Variants in C4orf51 observed in about 807,000 individuals in gnomAD.
C4orf51 encodes the protein chromosome 4 open reading frame 51.
Under a neutral mutation model 25.2 loss-of-function variants are expected in C4orf51, and 25 were observed. The ratio of observed to expected loss-of-function variants is 0.99; its 90% CI spans 0.72 to 1.39. The LOEUF (loss-of-function observed/expected upper bound fraction) is 1.39, where lower values mean the gene tolerates loss of function less well. Ranked by LOEUF, C4orf51 falls within the 40% of genes most tolerant of loss-of-function variation. The pLI, the probability that C4orf51 is intolerant of heterozygous loss-of-function variation, is 0.00. For synonymous variants in C4orf51, 100 were observed against 84.5 expected, an observed-to-expected ratio of 1.18 and a Z score of -1.01; for missense variants, 252 against 239.6, an observed-to-expected ratio of 1.05 and a Z score of -0.34.
chr4:145,770,196 G>A (rs1045250464), intron 1 of C4orf51, among the ~76,000 whole-genome samples: 2 of 152,076 alleles, frequency 1.3e-5, no homozygotes, highest in Admixed American at 6.6e-5. Flanking sequence ...CTACTCAGGG[G>A]GCTGAGACAC....
chr4:145,716,362 C>T (rs1009425544), intron 2 of C4orf51, among the ~76,000 whole-genome samples: 2 of 152,118 alleles, frequency 1.3e-5, no homozygotes, highest in African/African-American at 4.8e-5. Flanking sequence ...TTCTCCACTT[C>T]AGCCTGGAAG....
At chr4:145,760,739 T>A in intron 1 of C4orf51, 2 of 877,668 alleles carry the variant, frequency 2.3e-6, no homozygotes, top group Non-Finnish European at 2.7e-6. Flanking sequence ...TTTTTTTTTG[T>A]CTTTTGTCTC....
chr4:145,764,925 T>C (rs1436226020), intron 1 of C4orf51: 1 of 1,604,394 alleles, frequency 6.2e-7, no homozygotes, highest in Non-Finnish European at 8.5e-7. Context: ...AGGGACGGGG[T>C]AGGGAAGGGG....
chr4:145,764,920 C>G, intron 1 of C4orf51: 1 of 1,603,828 alleles, frequency 6.2e-7, no homozygotes, highest in Non-Finnish European at 8.5e-7. Context: ...CGGGAAGGGA[C>G]GGGGTAGGGA....
intron 2 of C4orf51, among the ~76,000 whole-genome samples, chr4:145,722,683 A>G (rs1020593929): frequency 1.3e-5 from 2 of 152,196 alleles, no homozygotes; most frequent in Admixed American, 6.5e-5. Context: ...TAAAAATTGT[A>G]CCAGTCCATG....
downstream of C4orf51, among the ~76,000 whole-genome samples, chr4:145,735,420 T>C (rs970894477): frequency 2.0e-5 from 3 of 152,214 alleles, no homozygotes; most frequent in Non-Finnish European, 4.4e-5. Context: ...TACATTTTTT[T>C]CTGTTACTAA....
intron 1 of C4orf51, among the ~76,000 whole-genome samples, chr4:145,768,598 T>A (rs1735678519): frequency 6.6e-6 from 1 of 151,718 alleles, no homozygotes; most frequent in African/African-American, 2.4e-5. Context: ...TCGTTTTAGG[T>A]TAGGGGAGAA....
At chr4:145,755,923 T>C (rs1733913658), downstream of C4orf51, among the ~76,000 whole-genome samples, 1 of 152,222 alleles carries the variant, frequency 6.6e-6, no homozygotes, top group South Asian at 2.1e-4. Flanking sequence ...AAGCTGCTGC[T>C]GGGAAGGGTT....
At chr4:145,716,396 A>C (rs748228734) in intron 2 of C4orf51, among the ~76,000 whole-genome samples, 1 of 152,168 alleles carries the variant, frequency 6.6e-6, no homozygotes, top group African/African-American at 2.4e-5. Flanking sequence ...TTATGCTCAC[A>C]TTCCAATGTG....
At position 145,680,215 on chromosome 4, in the gene C4orf51, C is replaced by A; in HGVS notation, c.12C>A (p.Tyr4Ter). 6.2e-7 allele frequency: 1 copy of A among 1,612,806 alleles called. No homozygotes were observed. The highest frequency in any genetic ancestry group is 8.5e-7 in the Non-Finnish European group (1 of 1,178,804). The change falls in exon 1 of 6, where the codon TAC becomes TAA. Residue 4 changes from tyrosine (Y) to a stop codon, truncating the protein, a stop_gained. Coordinates refer to ENST00000438731, the MANE Select transcript of C4orf51 (RefSeq NM_001080531.3). LOFTEE classifies it high-confidence loss of function. The part of the protein sequence containing the change: MSH[Y>*]FYLTPQILLP... Reference sequence around the variant, plus strand: ...GGCCGTTCGTAGTTATGTCACACTACTTCTACTTGACTCCACAAATTCTTC... The same window carrying A: ...GGCCGTTCGTAGTTATGTCACACTAATTCTACTTGACTCCACAAATTCTTC...
At chr4:145,710,023 A>T (rs1191858114) in intron 2 of C4orf51, among the ~76,000 whole-genome samples, 1 of 152,216 alleles carries the variant, frequency 6.6e-6, no homozygotes, top group Non-Finnish European at 1.5e-5. Flanking sequence ...GTCTCTTACC[A>T]CAAGGGATCA....
Position 145,731,520 on chromosome 4 carries a change from CA to C in C4orf51, c.502-926del, listed in dbSNP as rs540456376. ...AAAACCTTGGACCTAGAGTCCTGAG[CA>C]AAAAAATAAATCATGACTTTTTATT... On this transcript the variant is annotated intron_variant, in intron 5 of 5. Coordinates refer to ENST00000438731, the MANE Select transcript of C4orf51 (RefSeq NM_001080531.3). Among the ~76,000 whole-genome samples the C allele has an allele frequency of 2.2e-5, 3 of 134,818 alleles. No individual in the cohort carries two copies. The Admixed American group carries it at 2.3e-4, about 10-fold the overall frequency. The allele number at this position is 134,818 out of a possible 152,430, so 88.4% of individuals were successfully genotyped here.
intron 1 of C4orf51, among the ~76,000 whole-genome samples, chr4:145,738,226 G>T (rs550650546): frequency 1.3e-5 from 2 of 152,302 alleles, no homozygotes; most frequent in East Asian, 1.9e-4. Flanking sequence ...TAGGCAGGTG[G>T]ATTGCCTGAG....
chr4:145,690,918 A>G (rs980929178), intron 1 of C4orf51, among the ~76,000 whole-genome samples: 3 of 152,068 alleles, frequency 2.0e-5, no homozygotes, highest in Non-Finnish European at 4.4e-5. Flanking sequence ...GCTTGGGAAC[A>G]TAGGGAAACC....
rs181782975 is a variant in C4orf51, at chr4:145,741,749, G to A, written n.167+9130G>A. Among the ~76,000 whole-genome samples the A allele has an allele frequency of 4.5e-3, 690 of 151,958 alleles. 2 individuals are homozygous for A. Among genetic ancestry groups the A allele is most frequent in the Non-Finnish European group, 7.6e-3 (516 of 67,962 alleles). ...GTCTCACTCTGTCGCCCAGGCTGGC[G>A]TGCAGTGGCTCGATCTCAGCTCACT... On this transcript the variant is annotated intron_variant and non_coding_transcript_variant, in intron 1 of 1. Coordinates refer to the C4orf51 transcript ENST00000508981.
intron 1 of C4orf51, among the ~76,000 whole-genome samples, chr4:145,691,729 G>A (rs1729576422): frequency 1.3e-5 from 2 of 152,190 alleles, no homozygotes; most frequent in African/African-American, 4.8e-5. Flanking sequence ...GAGCTAAACA[G>A]TGGGTACACA....
Position 145,732,652 on chromosome 4 carries a change from C to T in C4orf51, c.*92C>T, listed in dbSNP as rs977446415. The T allele has an allele frequency of 1.0e-5, 8 of 776,884 alleles. No homozygotes were observed. The highest frequency in any genetic ancestry group is 1.5e-5 in the Non-Finnish European group (7 of 479,270). 48.1% of individuals were successfully genotyped at this position (776,884 alleles called of 1,614,324 possible). A position where few individuals can be genotyped will look rare whatever the true frequency, so the allele number is the denominator to read the frequency against. ...GCCCTCCCAACACCCTCCCCCCACCCGCCCCGCCCAGGAACGTCTGGACCC... is the reference window on the plus strand; with the variant it reads ...GCCCTCCCAACACCCTCCCCCCACCTGCCCCGCCCAGGAACGTCTGGACCC... On this transcript the variant is annotated 3_prime_UTR_variant, in exon 6 of 6. Coordinates refer to ENST00000438731, the MANE Select transcript of C4orf51 (RefSeq NM_001080531.3).
At position 145,761,652 on chromosome 4, in the gene C4orf51, C is replaced by T. The variant is rs1199220793; in HGVS notation, n.167-9336C>T. 1.5e-5 allele frequency: 16 copies of T among 1,092,544 alleles called. No individual in the cohort carries two copies. The highest frequency in any genetic ancestry group is 1.8e-5 in the Non-Finnish European group (15 of 835,784). 67.7% of individuals were successfully genotyped at this position (1,092,544 alleles called of 1,614,324 possible). A position where few individuals can be genotyped will look rare whatever the true frequency, so the allele number is the denominator to read the frequency against. On this transcript the variant is annotated intron_variant and non_coding_transcript_variant, in intron 1 of 1. Transcript: ENST00000510096. This position sits in a 1 kb window ranked among gnomAD's most constrained non-coding sequence, Gnocchi z 6.8. ...TCAGCCGGGAAGGTTCGGAGGCAGC[C>T]GCGCTTCTCGCCGCCTCACCAGCCT... is the stretch of plus-strand genomic sequence containing the variant.
chr4:145,699,708 G>A (rs1294991344), intron 2 of C4orf51, among the ~76,000 whole-genome samples: 1 of 152,144 alleles, frequency 6.6e-6, no homozygotes, highest in African/African-American at 2.4e-5. Flanking sequence ...AGCCTGCCTT[G>A]GTCCTTCACC....
Sources: allele counts gnomAD v4.1 joint callset (sites outside exome capture counted in the v4.1 genomes callset), GRCh38; gene constraint gnomAD v4.1.1; non-coding constraint Gnocchi (gnomAD v3.1); transcripts MANE v1.5; gene names NCBI Gene and HGNC (gene_info 2026-07-23, HGNC 2026-07-21).